The following SLC14A2 variants were observed in gnomAD, a reference collection of about 807,000 sequenced individuals.
The protein encoded by SLC14A2 is solute carrier family 14 member 2.
A neutral mutation model predicts 104.6 loss-of-function variants in SLC14A2; 91 were observed. The ratio of observed to expected loss-of-function variants is 0.87; its 90% CI spans 0.73 to 1.04. The LOEUF (loss-of-function observed/expected upper bound fraction) is 1.04. SLC14A2 is among the 50% of genes least tolerant of loss of function. The pLI, the probability that SLC14A2 is intolerant of heterozygous loss-of-function variation, is 0.00. For synonymous variants in SLC14A2, 476 were observed against 466.4 expected (o/e 1.02, Z -0.27); for missense variants, 1,189 against 1,156.0 (o/e 1.03, Z -0.41).
At chr18:45,488,953 C>T (rs745496882) in intron 2 of SLC14A2, among the ~76,000 whole-genome samples, 56 of 152,222 alleles carry the variant, frequency 3.7e-4, no homozygotes, top group Admixed American at 7.2e-4. Context: ...CTCCACTTTT[C>T]CACACATCCA....
chr18:45,660,875 T>C (rs1358249476), intron 10 of SLC14A2, among the ~76,000 whole-genome samples: 1 of 152,256 alleles, frequency 6.6e-6, no homozygotes. Context: ...TGTAAGTGTC[T>C]GCACAGACTT....
At chr18:45,525,898 G>A (rs1016296388) in intron 2 of SLC14A2, among the ~76,000 whole-genome samples, 1 of 152,218 alleles carries the variant, frequency 6.6e-6, no homozygotes, top group Non-Finnish European at 1.5e-5. Context: ...GCTGAGACAT[G>A]ATGGAATTCC....
At chr18:45,591,112 TCTC>T in intron 2 of SLC14A2, among the ~76,000 whole-genome samples, 1 of 152,264 alleles carries the variant, frequency 6.6e-6, no homozygotes, top group South Asian at 2.1e-4. Context: ...CTCTCCCTCT[TCTC>T]ACCCCCATTG....
At chr18:45,666,027 CA>C in intron 11 of SLC14A2, 109 bp from the exon 12 acceptor site, 4 of 740,108 alleles carry the variant, frequency 5.4e-6, no homozygotes, top group Non-Finnish European at 9.6e-6. Flanking sequence ...TCAGTAGGAA[CA>C]GGAAATACTG....
At chr18:45,211,883 A>G (rs571148657), upstream of SLC14A2, among the ~76,000 whole-genome samples, 6 of 152,338 alleles carry the variant, frequency 3.9e-5, no homozygotes, top group South Asian at 1.2e-3. Flanking sequence ...CTCAATAGAA[A>G]AGGCTTTTCC....
intron 10 of SLC14A2, among the ~76,000 whole-genome samples, chr18:45,651,271 G>T (rs1459455891): frequency 2.6e-5 from 4 of 152,158 alleles, no homozygotes; most frequent in African/African-American, 2.4e-5. Context: ...TTTCGAGAGG[G>T]TCTTTGGCAA....
the SLC14A2 span, among the ~76,000 whole-genome samples, chr18:45,182,881 G>T: frequency 3.3e-5 from 5 of 152,274 alleles, no homozygotes; most frequent in South Asian, 1.0e-3. Context: ...TCAATCTGAA[G>T]TGATTCTAGA....
chr18:45,386,438 A>G (rs1017073750), intron 1 of SLC14A2, among the ~76,000 whole-genome samples: 4 of 152,146 alleles, frequency 2.6e-5, no homozygotes, highest in African/African-American at 4.8e-5. Context: ...AGCCAGCCAT[A>G]AGCTTGTAGT....
intron 1 of SLC14A2, among the ~76,000 whole-genome samples, chr18:45,350,132 G>A (rs2085488061): frequency 6.6e-6 from 1 of 152,234 alleles, no homozygotes; most frequent in Non-Finnish European, 1.5e-5. Flanking sequence ...CTGACAGCTT[G>A]CTAAAAGAGT....
At chr18:45,283,565 G>T (rs1287928793) in intron 1 of SLC14A2, among the ~76,000 whole-genome samples, 2 of 152,204 alleles carry the variant, frequency 1.3e-5, no homozygotes, top group African/African-American at 4.8e-5. Flanking sequence ...TAATGCTGAA[G>T]CTCATTAATA....
the SLC14A2 span, among the ~76,000 whole-genome samples, chr18:45,195,698 G>T: frequency 6.6e-6 from 1 of 152,144 alleles, no homozygotes; most frequent in African/African-American, 2.4e-5. Context: ...CTGGGAGCAA[G>T]AAATTCTTAT....
At chr18:45,180,636 T>C in the SLC14A2 span, among the ~76,000 whole-genome samples, 2 of 152,054 alleles carry the variant, frequency 1.3e-5, no homozygotes, top group Admixed American at 6.6e-5. Flanking sequence ...GAAAAAGGGG[T>C]ATCAAGGAAG....
At chr18:45,347,795 A>C (rs2085464465) in intron 1 of SLC14A2, among the ~76,000 whole-genome samples, 1 of 152,202 alleles carries the variant, frequency 6.6e-6, no homozygotes, top group African/African-American at 2.4e-5. Context: ...CCATGTTGCC[A>C]CAGACACTTC....
At chr18:45,303,887 G>T (rs1183850621) in intron 1 of SLC14A2, among the ~76,000 whole-genome samples, 1 of 152,162 alleles carries the variant, frequency 6.6e-6, no homozygotes, top group Non-Finnish European at 1.5e-5. Context: ...ACCAGTCAAT[G>T]CTCCCACTGC....
chr18:45,413,469 C>T (rs1474902098), intron 1 of SLC14A2, among the ~76,000 whole-genome samples: 1 of 152,176 alleles, frequency 6.6e-6, no homozygotes, highest in African/African-American at 2.4e-5. Flanking sequence ...AGCAGTGATA[C>T]TATTTTGGCA....
intron 1 of SLC14A2, among the ~76,000 whole-genome samples, chr18:45,355,577 C>CAAAAAAA (rs768389823): frequency 3.9e-5 from 2 of 51,106 alleles, no homozygotes; most frequent in Non-Finnish European, 6.9e-5. Context: ...TACTCTGTCT[C>CAAAAAAA]AAAAAAAAAA....
chr18:45,200,530 T>G, the SLC14A2 span, among the ~76,000 whole-genome samples: 1 of 152,222 alleles, frequency 6.6e-6, no homozygotes, highest in Non-Finnish European at 1.5e-5. Flanking sequence ...TGCTGAGAAA[T>G]TATTTCTGAT....
chr18:45,558,854 G>A lies in SLC14A2; in HGVS notation c.-34-65777G>A, dbSNP rs559123057. The stretch of plus-strand genomic sequence containing the variant: ...TCGCCAGGCTGGAGTGCAGTGACAC[G>A]ATCTCGGCTCACTGCAATCTCCGCC... On this transcript the variant is annotated intron_variant, in intron 2 of 20. Coordinates refer to the SLC14A2 transcript ENST00000586448. Among the ~76,000 whole-genome samples, 23 of 152,216 alleles carry A rather than the reference G, an allele frequency of 1.5e-4. No individual in the cohort carries two copies. In the East Asian group the frequency reaches 1.5e-3, roughly 10 times the overall value.
intron 2 of SLC14A2, chr18:45,528,490 C>T (rs1713575117): frequency 6.6e-6 from 1 of 152,078 alleles, no homozygotes; most frequent in Non-Finnish European, 1.5e-5. Flanking sequence ...TCATAAATCA[C>T]AAATAGTTGT....
Sources: gnomAD v4.1 joint callset for allele counts (sites outside exome capture counted in the v4.1 genomes callset) on GRCh38, gnomAD v4.1.1 for gene constraint, MANE v1.5 for transcripts, NCBI Gene and HGNC (gene_info 2026-07-23, HGNC 2026-07-21) for gene names.